GRID2: variants seen among roughly 807,000 people sequenced by gnomAD.
GRID2 encodes the protein glutamate receptor ionotropic, delta-2.
GRID2 carries 33 observed loss-of-function variants against 114.8 expected under a neutral mutation model. That is an observed-to-expected ratio of 0.29 (90% CI 0.22 to 0.38). The LOEUF is 0.38. Ranked by LOEUF, GRID2 falls within the 10% of genes least tolerant of loss-of-function variation. GRID2 has a pLI of 1.00. For missense variants in GRID2, 1,184 were observed against 1,257.7 expected (o/e 0.94, Z 0.89); for synonymous variants, 505 against 449.9 (o/e 1.12, Z -1.55).
intron 8 of GRID2, among the ~76,000 whole-genome samples, chr4:93,376,239 A>AG (rs1221879865): frequency 6.6e-6 from 1 of 151,966 alleles, no homozygotes; most frequent in African/African-American, 2.4e-5. Context: ...CATACCTGAA[A>AG]TCAATGACGG....
chr4:92,608,214 G>C (rs1729552384), intron 2 of GRID2, among the ~76,000 whole-genome samples: 1 of 151,688 alleles, frequency 6.6e-6, no homozygotes, highest in South Asian at 2.1e-4. Context: ...CCAACTTCAA[G>C]GACACCTCTT....
chr4:93,728,946 C>T lies in GRID2; in HGVS notation c.2361-40264C>T, dbSNP rs141773759. On this transcript the variant is annotated intron_variant, in intron 14 of 15. Transcript: ENST00000282020. ...GGGTATTGACTCTTTTTCCAGTTTGCCAGTCTGTGTCTTTTAATTGGAGCA... is the reference window on the plus strand; with the variant it reads ...GGGTATTGACTCTTTTTCCAGTTTGTCAGTCTGTGTCTTTTAATTGGAGCA... 5.9e-4 allele frequency among the ~76,000 whole-genome samples: 90 copies of T among 152,206 alleles called. 1 individual carries two copies. The East Asian group carries it at 0.016, about 27-fold the overall frequency.
chr4:92,582,651 C>T (rs1003244343), intron 1 of GRID2, among the ~76,000 whole-genome samples: 3 of 151,724 alleles, frequency 2.0e-5, no homozygotes, highest in Non-Finnish European at 2.9e-5. Context: ...TTTTAATATA[C>T]AATAAAATTT....
At chr4:92,615,758 GT>G (rs1729977599) in intron 2 of GRID2, among the ~76,000 whole-genome samples, 1 of 151,066 alleles carries the variant, frequency 6.6e-6, no homozygotes, top group African/African-American at 2.4e-5. Context: ...TTCCTTATTA[GT>G]TTTTGTACTA....
At chr4:93,545,845 A>G (rs1238812945) in intron 13 of GRID2, among the ~76,000 whole-genome samples, 2 of 152,236 alleles carry the variant, frequency 1.3e-5, no homozygotes, top group Non-Finnish European at 2.9e-5. Context: ...AAATTACATA[A>G]AGAAGCAATT....
intron 10 of GRID2, among the ~76,000 whole-genome samples, chr4:93,432,236 C>A (rs1341877101): frequency 6.6e-6 from 1 of 152,108 alleles, no homozygotes; most frequent in Non-Finnish European, 1.5e-5. Flanking sequence ...AACAGTGTGA[C>A]TTTCTTCAGC....
intron 10 of GRID2, among the ~76,000 whole-genome samples, chr4:93,452,924 AC>A (rs1193899347): frequency 6.6e-6 from 1 of 151,148 alleles, no homozygotes; most frequent in Non-Finnish European, 1.5e-5. Flanking sequence ...GTTTTAGGGT[AC>A]ATGTGCACAA....
intron 4 of GRID2, among the ~76,000 whole-genome samples, chr4:93,193,109 C>T (rs1207706527): frequency 6.6e-6 from 1 of 152,134 alleles, no homozygotes; most frequent in Non-Finnish European, 1.5e-5. Context: ...TAAAGACTCT[C>T]TTCTAATAAT....
In GRID2 at chr4:93,455,952, G is replaced by A. The variant is rs1723149452; in HGVS notation, c.1836G>A (p.Val612=). The A allele has an allele frequency of 6.2e-7, 1 of 1,601,726 alleles. No homozygotes were observed. Among genetic ancestry groups the A allele is most frequent in the Non-Finnish European group, 8.6e-7 (1 of 1,168,808 alleles). The change falls in exon 11 of 16, where the codon GTG becomes GTA. Residue 612 remains valine, a synonymous_variant. Coordinates refer to ENST00000282020, the MANE Select transcript of GRID2 (RefSeq NM_001510.4). ...CTCTCTACAACTCCATGTGGTTTGT[G>A]TATGGATCTTTTGTACAACAAGGTA... ...STTLYNSMWF[V]YGSFVQQGGE... is the part of the protein sequence containing the mutation.
At chr4:92,830,548 T>C (rs1438509040) in intron 2 of GRID2, among the ~76,000 whole-genome samples, 1 of 152,150 alleles carries the variant, frequency 6.6e-6, no homozygotes, top group Non-Finnish European at 1.5e-5. Context: ...ATTATTATTT[T>C]AGTACTAATA....
chr4:92,997,745 C>T (rs373771026), intron 2 of GRID2, among the ~76,000 whole-genome samples: 2 of 152,126 alleles, frequency 1.3e-5, no homozygotes, highest in East Asian at 3.9e-4. Context: ...ATCCTATAGG[C>T]TTCAGAGTTT....
intron 2 of GRID2, among the ~76,000 whole-genome samples, chr4:92,801,576 T>C (rs1282086894): frequency 6.6e-6 from 1 of 151,898 alleles, no homozygotes. Flanking sequence ...TATTATTCTG[T>C]TCTTCAAATT....
intron 8 of GRID2, among the ~76,000 whole-genome samples, chr4:93,284,337 A>C (rs919688446): frequency 3.9e-5 from 6 of 152,024 alleles, no homozygotes; most frequent in Non-Finnish European, 8.8e-5. Context: ...GGATCAACAC[A>C]CATTGGGGCA....
chr4:92,956,803 C>T (rs1350173292), intron 2 of GRID2, among the ~76,000 whole-genome samples: 4 of 152,274 alleles, frequency 2.6e-5, no homozygotes, highest in African/African-American at 9.6e-5. Flanking sequence ...TGGTTCACAT[C>T]CTCCCCAGCA....
chr4:93,296,598 C>G (rs60524633), intron 8 of GRID2, among the ~76,000 whole-genome samples: 5,420 of 152,228 alleles, frequency 0.036, 347 homozygotes, highest in African/African-American at 0.12. Flanking sequence ...TGCAAACATC[C>G]AACAAACAAA....
intron 4 of GRID2, among the ~76,000 whole-genome samples, chr4:93,192,439 G>T (rs755056541): frequency 5.9e-5 from 9 of 152,054 alleles, no homozygotes; most frequent in Non-Finnish European, 8.8e-5. Context: ...GGATGGGTAG[G>T]TCTTAAGAAA....
intron 3 of GRID2, among the ~76,000 whole-genome samples, chr4:93,093,283 A>C (rs1730933631): frequency 1.3e-5 from 2 of 152,146 alleles, no homozygotes; most frequent in South Asian, 4.1e-4. Context: ...CTGCTTTTCA[A>C]AATGGATGTA....
At chr4:93,513,225 G>A (rs1468290302) in intron 12 of GRID2, among the ~76,000 whole-genome samples, 1 of 152,108 alleles carries the variant, frequency 6.6e-6, no homozygotes, top group Non-Finnish European at 1.5e-5. Flanking sequence ...TATAGAAACT[G>A]AACAAACGAG....
intron 4 of GRID2, among the ~76,000 whole-genome samples, chr4:93,152,557 T>C (rs551950604): frequency 2.0e-5 from 3 of 152,254 alleles, no homozygotes; most frequent in Admixed American, 2.0e-4. Context: ...CTGGTTAGCA[T>C]GTTAGCTCAT....
Sources: allele counts gnomAD v4.1 joint callset (sites outside exome capture counted in the v4.1 genomes callset), GRCh38; gene constraint gnomAD v4.1.1; transcripts MANE v1.5; gene names NCBI Gene and HGNC (gene_info 2026-07-23, HGNC 2026-07-21).